Variants in CDH13 observed in about 807,000 individuals in gnomAD.
CDH13 encodes cadherin 13, also known as cadherin-13.
In CDH13, 24 loss-of-function variants were observed where a neutral mutation model predicts 63.8. The observed-to-expected ratio is 0.38, with a 90% CI of 0.27 to 0.53. CDH13 has a LOEUF of 0.53. Among genes scored for constraint, CDH13 ranks in the 20% least tolerant of loss-of-function variants. CDH13 has a pLI of 0.85. For synonymous variants in CDH13, 503 were observed against 355.3 expected, an observed-to-expected ratio of 1.42 and a Z score of -4.67; for missense variants, 1,049 against 903.1, an observed-to-expected ratio of 1.16 and a Z score of -2.07.
intron 2 of CDH13, among the ~76,000 whole-genome samples, chr16:82,909,246 CTGTATATGTGTG>C (rs2041747617): frequency 8.7e-6 from 1 of 115,316 alleles, no homozygotes; most frequent in Non-Finnish European, 1.8e-5. Context: ...TGAGGACTGA[CTGTATATGTGTG>C]TGTGTGTGTG....
chr16:82,825,347 C>G (rs919199655), intron 1 of CDH13: 1 of 152,084 alleles, frequency 6.6e-6, no homozygotes, highest in Non-Finnish European at 1.5e-5. Context: ...AGGAAAATAC[C>G]AGGAGTCTGC....
At chr16:83,231,739 C>G (rs1033964854) in intron 5 of CDH13, among the ~76,000 whole-genome samples, 32 of 152,230 alleles carry the variant, frequency 2.1e-4, no homozygotes, top group African/African-American at 7.7e-4. Flanking sequence ...CAGAAAAAGC[C>G]TGCCAACCCC....
At chr16:83,142,421 G>A (rs1459255313) in intron 4 of CDH13, among the ~76,000 whole-genome samples, 3 of 152,038 alleles carry the variant, frequency 2.0e-5, no homozygotes, top group Admixed American at 6.5e-5. Context: ...CTCCCAAAGT[G>A]CTTAGATGAC....
At chr16:83,654,551 G>A (rs958075406) in intron 8 of CDH13, among the ~76,000 whole-genome samples, 4 of 152,058 alleles carry the variant, frequency 2.6e-5, no homozygotes, top group African/African-American at 9.7e-5. Context: ...GAAGAATCCT[G>A]CAGATTGTTA....
At chr16:83,509,797 G>A (rs555205943) in intron 7 of CDH13, among the ~76,000 whole-genome samples, 22 of 152,318 alleles carry the variant, frequency 1.4e-4, no homozygotes, top group African/African-American at 5.1e-4. Context: ...TAAATATTTT[G>A]TGGATTCTCA....
chr16:83,012,220 C>G (rs950872125), intron 2 of CDH13, among the ~76,000 whole-genome samples: 6 of 151,396 alleles, frequency 4.0e-5, no homozygotes, highest in African/African-American at 1.5e-4. Context: ...TTTTTAAGTA[C>G]TTAAAATACA....
chr16:83,106,923 G>A (rs940448988), intron 3 of CDH13, among the ~76,000 whole-genome samples: 18 of 151,910 alleles, frequency 1.2e-4, no homozygotes, highest in African/African-American at 3.6e-4. Flanking sequence ...GTATAATCTG[G>A]TGTGGCAGTA....
intron 4 of CDH13, among the ~76,000 whole-genome samples, chr16:83,138,669 G>A (rs554856137): frequency 3.9e-5 from 6 of 152,242 alleles, no homozygotes; most frequent in South Asian, 2.1e-4. Context: ...CTTTTTCTAC[G>A]GATGACTAAG....
At chr16:83,199,272 G>A (rs564499694) in intron 4 of CDH13, among the ~76,000 whole-genome samples, 23 of 152,356 alleles carry the variant, frequency 1.5e-4, no homozygotes, top group African/African-American at 4.6e-4. Context: ...TTCATAAAAG[G>A]TCTAGTCATC....
At chr16:82,792,858 C>T (rs1387585128) in intron 1 of CDH13, among the ~76,000 whole-genome samples, 3 of 152,212 alleles carry the variant, frequency 2.0e-5, no homozygotes, top group Admixed American at 2.0e-4. Context: ...AAGTGCCAAG[C>T]GCTAATTGAT....
chr16:83,289,135 G>A (rs2089402634), intron 5 of CDH13, among the ~76,000 whole-genome samples: 1 of 152,274 alleles, frequency 6.6e-6, no homozygotes, highest in Non-Finnish European at 1.5e-5. Context: ...AACCAAAAAA[G>A]ACACATTTCT....
chr16:82,709,238 A>G (rs552475166), intron 1 of CDH13, among the ~76,000 whole-genome samples: 1 of 152,346 alleles, frequency 6.6e-6, no homozygotes, highest in Non-Finnish European at 1.5e-5. Context: ...CTTTACATGG[A>G]CATTATCATC....
chr16:83,169,175 C>G (rs1323363633), intron 4 of CDH13, among the ~76,000 whole-genome samples: 1 of 149,836 alleles, frequency 6.7e-6, no homozygotes, highest in Non-Finnish European at 1.5e-5. Context: ...GCATTCAGTG[C>G]TTAGGTTTCC....
chr16:83,700,249 C>T (rs894094510), intron 10 of CDH13, among the ~76,000 whole-genome samples: 2 of 152,166 alleles, frequency 1.3e-5, no homozygotes, highest in Non-Finnish European at 2.9e-5. Flanking sequence ...CGTGTTGTCA[C>T]CTGTGTCACC....
At chr16:82,677,263 C>T (rs1914036558) in intron 1 of CDH13, among the ~76,000 whole-genome samples, 1 of 152,148 alleles carries the variant, frequency 6.6e-6, no homozygotes, top group Non-Finnish European at 1.5e-5. Flanking sequence ...AGGTCTATTG[C>T]CACTTCTTTG....
intron 10 of CDH13, among the ~76,000 whole-genome samples, chr16:83,698,674 T>C (rs1401357345): frequency 1.3e-5 from 2 of 152,234 alleles, no homozygotes; most frequent in African/African-American, 4.8e-5. Context: ...CACTGAGAGC[T>C]GGGTTTGCTA....
chr16:83,290,423 A>C (rs1225029577), intron 5 of CDH13, among the ~76,000 whole-genome samples: 1 of 152,088 alleles, frequency 6.6e-6, no homozygotes, highest in African/African-American at 2.4e-5. Context: ...GTAGTGAAGA[A>C]GTCTCACGAG....
At chr16:83,011,953 G>C (rs898633899) in intron 2 of CDH13, among the ~76,000 whole-genome samples, 5 of 152,034 alleles carry the variant, frequency 3.3e-5, no homozygotes, top group Non-Finnish European at 7.4e-5. Context: ...AGTGAGTAAC[G>C]CTGCCTTATT....
At chr16:82,662,108 G>C (rs60477134) in intron 1 of CDH13, among the ~76,000 whole-genome samples, 4,741 of 152,312 alleles carry the variant, frequency 0.031, 230 homozygotes, top group African/African-American at 0.1. Flanking sequence ...TATGTCCATA[G>C]AATGGAGTAT....
Sources: allele counts gnomAD v4.1 joint callset (sites outside exome capture counted in the v4.1 genomes callset), GRCh38; gene constraint gnomAD v4.1.1; transcripts MANE v1.5; gene names NCBI Gene and HGNC (gene_info 2026-07-23, HGNC 2026-07-21).